Variants in PKD2 observed in about 807,000 individuals in gnomAD.
The protein encoded by PKD2 is polycystin-2.
A neutral mutation model predicts 105.9 loss-of-function variants in PKD2; 48 were observed. The observed-to-expected ratio is 0.45, with a 90% confidence interval of 0.36 to 0.58. The LOEUF is 0.58. Among genes scored for constraint, PKD2 ranks in the 20% least tolerant of loss-of-function variants. PKD2 has a pLI of 0.00. For missense variants in PKD2, 1,078 were observed against 1,255.3 expected, an observed-to-expected ratio of 0.86 and a Z score of 2.13; for synonymous variants, 464 against 481.1, an observed-to-expected ratio of 0.96 and a Z score of 0.46.
chr4:88,038,329 TTCA>T lies in PKD2; in HGVS notation c.925_927del (p.Ile309del), dbSNP rs1366482630. 1.2e-6 allele frequency: 2 copies of T among 1,613,976 alleles called. No individual in the cohort carries two copies. The highest frequency in any genetic ancestry group is 3.3e-5 in the Admixed American group (2 of 60,006). ...CCAGACTGAAGCTGACAACCGAAGT[TTCA>T]TCTTCTATGAGAACCTGCTGTTAGG... is the stretch of plus-strand genomic sequence containing the variant. On this transcript the variant is annotated inframe_deletion, in exon 4 of 15. Transcript: ENST00000237596.
chr4:88,066,077 G>A (rs984854439), intron 12 of PKD2, among the ~76,000 whole-genome samples, 198 bp downstream of exon 12: 5 of 152,044 alleles, frequency 3.3e-5, no homozygotes, highest in African/African-American at 1.2e-4. Flanking sequence ...AAAAATGGGT[G>A]GTTAGCATGA....
intron 1 of PKD2, among the ~76,000 whole-genome samples, chr4:88,011,313 G>A (rs1022071616): frequency 2.7e-5 from 4 of 149,726 alleles, no homozygotes; most frequent in African/African-American, 9.8e-5. Flanking sequence ...TATTTTAGGC[G>A]TATATTCTTG....
At chr4:88,052,291 C>CCCTGTCTCAA in intron 7 of PKD2, 133 bp downstream of exon 7, 1 of 668,670 alleles carries the variant, frequency 1.5e-6, no homozygotes, top group Non-Finnish European at 2.7e-6. Context: ...TACTTTGAGA[C>CCCTGTCTCAA]AGGGTCTCAC....
At chr4:88,051,842 A>G (rs537588879) in intron 6 of PKD2, 149 bp from the exon 7 acceptor site, 5 of 597,558 alleles carry the variant, frequency 8.4e-6, no homozygotes, top group Non-Finnish European at 1.2e-5. Flanking sequence ...TTTCCATTTG[A>G]GTGAGTGACT....
intron 1 of PKD2, among the ~76,000 whole-genome samples, chr4:88,010,432 A>T (rs1312460472): frequency 1.3e-5 from 2 of 152,216 alleles, no homozygotes; most frequent in African/African-American, 4.8e-5. Flanking sequence ...ATAGCATATC[A>T]CTGTTTTCCT....
In PKD2 at chr4:88,056,250, T is replaced by C. The variant is rs770058837; in HGVS notation, c.1881T>C (p.Ser627=). 8.7e-6 allele frequency: 14 copies of C among 1,610,616 alleles called. No homozygotes were observed. The South Asian group carries it at 1.4e-4, about 16-fold the overall frequency. The change falls in exon 8 of 15, where the codon AGT becomes AGC. Residue 627 remains serine, a synonymous_variant. Coordinates refer to ENST00000237596, the MANE Select transcript of PKD2 (RefSeq NM_000297.4). The part of the protein sequence containing the change: ...LVFGTQVDDF[S]TFQECIFTQF... ...TTGGCACTCAGGTCGATGACTTCAG[T>C]ACTTTCCAAGAGTGTATGTAAGTAT...
chr4:88,063,926 G>A (rs1282976671), intron 10 of PKD2, among the ~76,000 whole-genome samples: 2 of 152,092 alleles, frequency 1.3e-5, no homozygotes, highest in Non-Finnish European at 2.9e-5. Context: ...AGGCCAAGGT[G>A]GGTGGATCAC....
chr4:88,014,449 C>T (rs562399650), intron 1 of PKD2, among the ~76,000 whole-genome samples: 36 of 147,676 alleles, frequency 2.4e-4, no homozygotes, highest in Non-Finnish European at 4.3e-4. Context: ...CCTGGGAATC[C>T]GAGATCAGCC....
intron 4 of PKD2, among the ~76,000 whole-genome samples, chr4:88,039,557 C>T (rs1343280086): frequency 6.7e-6 from 1 of 150,242 alleles, no homozygotes; most frequent in Non-Finnish European, 1.5e-5. Flanking sequence ...CACAGCTATT[C>T]GGGAGGCTGA....
intron 10 of PKD2, 40 bp from the exon 11 acceptor site, chr4:88,065,325 AAAGGAGAAT>A (rs1409095043): frequency 1.3e-6 from 2 of 1,572,462 alleles, no homozygotes; most frequent in African/African-American, 2.7e-5. Flanking sequence ...AACAGATGCA[AAAGGAGAAT>A]ACACTAAACC....
Position 88,067,812 on chromosome 4 carries a change from C to A in PKD2, c.2359-86C>A, listed in dbSNP as rs1010277559. 1.6e-5 allele frequency: 18 copies of A among 1,113,060 alleles called. No individual in the cohort carries two copies. The East Asian group carries it at 4.4e-4, about 27-fold the overall frequency. 68.9% of individuals were successfully genotyped at this position (1,113,060 alleles called of 1,614,324 possible). On this transcript the variant is annotated intron_variant, in intron 12 of 14. Transcript: ENST00000237596. ...GAAATCCCAGGTAAATGGCATGCACCCAGTTCCTGCTTGCCCAAGTCCTTG... is the reference window on the plus strand; with the variant it reads ...GAAATCCCAGGTAAATGGCATGCACACAGTTCCTGCTTGCCCAAGTCCTTG...
intron 6 of PKD2, 75 bp downstream of exon 6, chr4:88,046,945 C>T: frequency 1.2e-6 from 1 of 863,604 alleles, no homozygotes; most frequent in Non-Finnish European, 2.0e-6. Context: ...ATCTCCTCAG[C>T]ATTGTGGATC....
chr4:88,041,773 GA>G (rs1179736783), intron 4 of PKD2, among the ~76,000 whole-genome samples: 1 of 152,222 alleles, frequency 6.6e-6, no homozygotes, highest in Non-Finnish European at 1.5e-5. Flanking sequence ...ACCGGTCAGG[GA>G]AAGTTGAATA....
intron 2 of PKD2, among the ~76,000 whole-genome samples, chr4:88,025,738 A>T (rs1233252931): frequency 6.6e-6 from 1 of 152,168 alleles, no homozygotes; most frequent in Non-Finnish European, 1.5e-5. Context: ...GTATTGACGG[A>T]GGTTCCTGGT....
intron 2 of PKD2, among the ~76,000 whole-genome samples, chr4:88,029,014 G>A (rs1357136097): frequency 1.3e-5 from 2 of 152,248 alleles, no homozygotes; most frequent in East Asian, 1.9e-4. Context: ...GACCAAACCT[G>A]GATTAAAAGA....
At position 88,065,521 on chromosome 4, in the gene PKD2, T is replaced by C. The variant is rs746321788; in HGVS notation, c.2240+26T>C. On this transcript the variant is annotated intron_variant, in intron 11 of 14. Coordinates refer to ENST00000237596, the MANE Select transcript of PKD2 (RefSeq NM_000297.4). ...GTGAGAATCATGCTTCCTGAGGTTC[T>C]GAAAAATTCCTGCTTCTAAAGATAA... The C allele has an allele frequency of 1.2e-4, 192 of 1,610,964 alleles. 1 individual carries two copies. The highest frequency in any genetic ancestry group is 1.6e-4 in the Non-Finnish European group (185 of 1,177,508).
chr4:88,044,401 C>G (rs1329822155), intron 5 of PKD2, among the ~76,000 whole-genome samples: 2 of 152,132 alleles, frequency 1.3e-5, no homozygotes, highest in African/African-American at 4.8e-5. Context: ...TCATAATAGT[C>G]TTTGTCATCA....
intron 13 of PKD2, among the ~76,000 whole-genome samples, chr4:88,070,591 TATATATATATAGAGAGAGAGAG>T (rs1452966206): frequency 9.6e-6 from 1 of 104,202 alleles, no homozygotes; most frequent in African/African-American, 3.5e-5. Flanking sequence ...TATATATATA[TATATATATATAGAGAGAGAGAG>T]AGAGAGAGAG....
chr4:88,050,849 G>GGCTTTTTA (rs1459571606), intron 6 of PKD2, among the ~76,000 whole-genome samples: 3 of 152,108 alleles, frequency 2.0e-5, no homozygotes, highest in African/African-American at 7.2e-5. Flanking sequence ...TGGTGAGGTT[G>GGCTTTTTA]GCTTTTTAGC....
Sources: allele counts gnomAD v4.1 joint callset (sites outside exome capture counted in the v4.1 genomes callset), GRCh38; gene constraint gnomAD v4.1.1; transcripts MANE v1.5; gene names NCBI Gene and HGNC (gene_info 2026-07-23, HGNC 2026-07-21).